Variants in MGAT4C observed in about 807,000 individuals in gnomAD.
MGAT4C encodes alpha-1,3-mannosyl-glycoprotein 4-beta-N-acetylglucosaminyltransferase C.
In MGAT4C, 19 loss-of-function variants were observed where a neutral mutation model predicts 40.1. That is an observed-to-expected ratio of 0.47 (90% CI 0.33 to 0.70). MGAT4C has a LOEUF of 0.70. Among genes scored for constraint, MGAT4C ranks in the 30% least tolerant of loss-of-function variants. The pLI is 0.02. For missense variants in MGAT4C, 491 were observed against 563.2 expected (o/e 0.87, Z 1.30); for synonymous variants, 181 against 187.1 (o/e 0.97, Z 0.27).
rs1030539724 is a variant in MGAT4C at position 86,439,698 on chromosome 12, C to A, written c.-228-4433G>T. Among the ~76,000 whole-genome samples the A allele has an allele frequency of 5.4e-4, 82 of 151,968 alleles. 1 individual carries two copies. Among genetic ancestry groups the A allele is most frequent in the Admixed American group, 1.5e-3 (23 of 15,218 alleles). On this transcript the variant is annotated intron_variant, in intron 2 of 7. Coordinates refer to the MGAT4C transcript ENST00000548651. ...AGGTAAATGAAGCAAAAAGTTTTTT[C>A]TTTGAAAAGATGAACAAAATTGATA...
intron 1 of MGAT4C, among the ~76,000 whole-genome samples, chr12:86,173,269 C>T (rs552459380): frequency 1.3e-5 from 2 of 152,038 alleles, no homozygotes; most frequent in Non-Finnish European, 2.9e-5. Flanking sequence ...TATTGGGCAA[C>T]TATATTTATT....
chr12:86,790,171 G>A (rs934562413), intron 1 of MGAT4C, among the ~76,000 whole-genome samples: 1 of 152,058 alleles, frequency 6.6e-6, no homozygotes, highest in Non-Finnish European at 1.5e-5. Flanking sequence ...GAATGGCTAA[G>A]GTAGAATACT....
intron 1 of MGAT4C, among the ~76,000 whole-genome samples, chr12:86,167,602 A>G (rs1260226508): frequency 6.6e-6 from 1 of 152,178 alleles, no homozygotes; most frequent in Non-Finnish European, 1.5e-5. Context: ...CCATAGCAGA[A>G]GGTTTAAAGT....
Position 85,976,531 on chromosome 12 carries a change from G to A in MGAT4C, c.*2758C>T, listed in dbSNP as rs1481655288. 6.7e-6 allele frequency: 1 copy of A among 150,244 alleles called. No homozygotes were observed. Among genetic ancestry groups the A allele is most frequent in the Admixed American group, 6.7e-5 (1 of 15,006 alleles). 9.3% of individuals were successfully genotyped at this position (150,244 alleles called of 1,614,324 possible). ...ACAATTCTGAGGCATTATTTAAGGT[G>A]CATACTGTATTTTTTGCTTGAAACC... On this transcript the variant is annotated 3_prime_UTR_variant, in exon 5 of 5. Transcript: ENST00000611864.
At chr12:86,599,810 T>A (rs1242450368) in intron 2 of MGAT4C, 1 of 152,164 alleles carries the variant, frequency 6.6e-6, no homozygotes. Flanking sequence ...AAATAAAAAG[T>A]GTATAGTTTT....
intron 1 of MGAT4C, among the ~76,000 whole-genome samples, chr12:86,791,662 T>C (rs1952024582): frequency 6.6e-6 from 1 of 152,152 alleles, no homozygotes; most frequent in Non-Finnish European, 1.5e-5. Flanking sequence ...CTAACAGCAA[T>C]TACTCTGCAT....
chr12:86,388,282 T>C (rs1336787438), intron 3 of MGAT4C, among the ~76,000 whole-genome samples: 2 of 152,144 alleles, frequency 1.3e-5, no homozygotes, highest in Non-Finnish European at 2.9e-5. Flanking sequence ...AATATAAAAG[T>C]GATAAACAAG....
intron 3 of MGAT4C, among the ~76,000 whole-genome samples, chr12:86,368,115 G>T (rs1955642691): frequency 6.6e-6 from 1 of 152,098 alleles, no homozygotes; most frequent in African/African-American, 2.4e-5. Flanking sequence ...AGAAGACAAA[G>T]TTAATATGGG....
chr12:86,802,411 T>C (rs1236435808), intron 1 of MGAT4C, among the ~76,000 whole-genome samples: 1 of 152,028 alleles, frequency 6.6e-6, no homozygotes, highest in Non-Finnish European at 1.5e-5. Context: ...ATTCTGTACA[T>C]AGTACTGTAT....
intron 1 of MGAT4C, among the ~76,000 whole-genome samples, chr12:86,731,495 A>G (rs953379471): frequency 1.3e-5 from 2 of 151,958 alleles, no homozygotes; most frequent in African/African-American, 4.8e-5. Context: ...GAATCATCTT[A>G]GTCTCTTTAA....
Position 85,960,487 on chromosome 12 carries a change from A to G in MGAT4C, c.*18802T>C, listed in dbSNP as rs906757710. The G allele has an allele frequency of 1.3e-5, 2 of 151,996 alleles. No homozygotes were observed. Among genetic ancestry groups the G allele is most frequent in the African/African-American group, 4.8e-5 (2 of 41,426 alleles). 9.4% of individuals were successfully genotyped at this position (151,996 alleles called of 1,614,324 possible). A position where few individuals can be genotyped will look rare whatever the true frequency, so the allele number is the denominator to read the frequency against. On this transcript the variant is annotated 3_prime_UTR_variant, in exon 5 of 5. Transcript: ENST00000611864. ...ACATAGATGAAAAATGTAAAACAAC[A>G]ATTAGCATGTGACATGCTCTCAGCA...
chr12:86,046,107 G>A (rs1328193403), intron 2 of MGAT4C, among the ~76,000 whole-genome samples: 1 of 152,170 alleles, frequency 6.6e-6, no homozygotes, highest in African/African-American at 2.4e-5. Context: ...GATGAGGAAA[G>A]AAAACTTTAC....
At chr12:86,608,939 G>A (rs1411571141) in intron 2 of MGAT4C, among the ~76,000 whole-genome samples, 1 of 152,012 alleles carries the variant, frequency 6.6e-6, no homozygotes, top group Non-Finnish European at 1.5e-5. Context: ...TGTTGTATGA[G>A]TCAACAACCA....
chr12:86,063,846 G>A (rs563447856), intron 1 of MGAT4C, among the ~76,000 whole-genome samples: 1 of 152,348 alleles, frequency 6.6e-6, no homozygotes, highest in Non-Finnish European at 1.5e-5. Context: ...AACAAGAAGA[G>A]CTAACTATTC....
chr12:86,724,327 G>A (rs1345213471), intron 2 of MGAT4C, among the ~76,000 whole-genome samples: 1 of 152,134 alleles, frequency 6.6e-6, no homozygotes, highest in East Asian at 1.9e-4. Flanking sequence ...CTTTAATGAT[G>A]CAATTGGTCT....
intron 4 of MGAT4C, among the ~76,000 whole-genome samples, chr12:86,288,301 G>C (rs187461951): frequency 1.3e-5 from 2 of 152,178 alleles, no homozygotes; most frequent in African/African-American, 4.8e-5. Flanking sequence ...TAGGTTGCCT[G>C]CTCACTCTGA....
Position 85,960,494 on chromosome 12 carries a change from A to T in MGAT4C, c.*18795T>A, listed in dbSNP as rs892166123. 6.6e-6 allele frequency: 1 copy of T among 152,048 alleles called. No individual in the cohort carries two copies. Among genetic ancestry groups the T allele is most frequent in the Non-Finnish European group, 1.5e-5 (1 of 67,906 alleles). The allele number at this position is 152,048 out of a possible 1,614,324, so 9.4% of individuals were successfully genotyped here. A position where few individuals can be genotyped will look rare whatever the true frequency, so the allele number is the denominator to read the frequency against. On this transcript the variant is annotated 3_prime_UTR_variant, in exon 5 of 5. Coordinates refer to ENST00000611864, the MANE Select transcript of MGAT4C (RefSeq NM_001351288.2). ...TGAAAAATGTAAAACAACAATTAGC[A>T]TGTGACATGCTCTCAGCAAATCAAT...
At chr12:86,688,562 A>T (rs982553068) in intron 2 of MGAT4C, among the ~76,000 whole-genome samples, 1 of 152,094 alleles carries the variant, frequency 6.6e-6, no homozygotes, top group Non-Finnish European at 1.5e-5. Flanking sequence ...ATCCCTCAGC[A>T]GTTGCTTGTC....
chr12:86,609,170 G>A (rs1962157556), intron 2 of MGAT4C, among the ~76,000 whole-genome samples: 1 of 152,044 alleles, frequency 6.6e-6, no homozygotes, highest in Non-Finnish European at 1.5e-5. Flanking sequence ...AGCATTATTT[G>A]TTAGAAAAAA....
Sources: allele counts gnomAD v4.1 joint callset (sites outside exome capture counted in the v4.1 genomes callset), GRCh38; gene constraint gnomAD v4.1.1; transcripts MANE v1.5; gene names NCBI Gene and HGNC (gene_info 2026-07-23, HGNC 2026-07-21).